PLCB3: variants seen among roughly 807,000 people sequenced by gnomAD.
PLCB3 encodes the protein 1-phosphatidylinositol 4,5-bisphosphate phosphodiesterase beta-3.
In PLCB3, 54 loss-of-function variants were observed where a neutral mutation model predicts 152.1. The ratio of observed to expected loss-of-function variants is 0.36; its 90% CI spans 0.29 to 0.45. The LOEUF is 0.45. Among genes scored for constraint, PLCB3 ranks in the 20% least tolerant of loss-of-function variants. The probability of loss-of-function intolerance (pLI) is 1.00; values close to 1 mark genes in which losing one functional copy is unlikely to be tolerated. For missense variants in PLCB3, 1,248 were observed against 1,687.5 expected (o/e 0.74, Z 4.56); for synonymous variants, 717 against 698.7 (o/e 1.03, Z -0.41).
intron 1 of PLCB3, among the ~76,000 whole-genome samples, chr11:64,252,529 G>A (rs1387635421): frequency 2.0e-5 from 3 of 152,224 alleles, no homozygotes; most frequent in African/African-American, 7.2e-5. Flanking sequence ...CCTCCACCCG[G>A]CCGGCCTGAG....
In PLCB3 at chr11:64,255,208, C is replaced by T. The variant is rs749336590; in HGVS notation, c.388-26C>T. On this transcript the variant is annotated intron_variant, in intron 4 of 30. Coordinates refer to ENST00000279230, the MANE Select transcript of PLCB3 (RefSeq NM_000932.5). This position sits in a 1 kb window ranked among gnomAD's most constrained non-coding sequence, Gnocchi z 6.8. ...CAGCCCCTGTGTCCCCCACTCACCG[C>T]CTCCCCGTGTATACTGGCCCCCCAG... is the stretch of plus-strand genomic sequence containing the variant. The T allele has an allele frequency of 6.3e-7, 1 of 1,593,274 alleles. No individual in the cohort carries two copies. Among genetic ancestry groups the T allele is most frequent in the South Asian group, 1.1e-5 (1 of 90,590 alleles).
At position 64,267,520 on chromosome 11, in the gene PLCB3, T is replaced by C. The variant is rs893963404; in HGVS notation, c.3669T>C (p.Ala1223=). Residue 1223 remains alanine (A), a synonymous_variant, in exon 31 of 31, where the codon GCT becomes GCC. Transcript: ENST00000279230. This position sits in a 1 kb window ranked among gnomAD's most constrained non-coding sequence, Gnocchi z 5.2. ...APGSSGHLSG[A]DSESQEENTQ... is the part of the protein sequence containing the mutation. ...GGAGCAGCGGGCACCTGTCGGGCGC[T>C]GACTCGGAGAGCCAGGAGGAGAACA... 2 of 1,568,200 alleles carry C rather than the reference T, an allele frequency of 1.3e-6. No homozygotes were observed. Among genetic ancestry groups the C allele is most frequent in the Non-Finnish European group, 1.7e-6 (2 of 1,161,264 alleles).
intron 25 of PLCB3, 100 bp downstream of exon 25, chr11:64,265,602 C>T (rs2032079673): frequency 2.7e-6 from 4 of 1,466,682 alleles, no homozygotes; most frequent in Non-Finnish European, 3.6e-6. Flanking sequence ...GCTCCTTGAC[C>T]CCCAGGGAGG....
At chr11:64,263,960 G>A in intron 21 of PLCB3, 61 bp from the exon 22 acceptor site, 2 of 1,328,098 alleles carry the variant, frequency 1.5e-6, no homozygotes, top group Non-Finnish European at 2.1e-6. Flanking sequence ...GACCAGAGGT[G>A]GCGGGTGGGG....
downstream of PLCB3, chr11:64,268,958 T>C (rs896498009): frequency 6.6e-6 from 1 of 152,310 alleles, no homozygotes; most frequent in African/African-American, 2.4e-5. Flanking sequence ...TCCTCACTTC[T>C]TCTGTGGGAC....
At chr11:64,262,315 T>G in intron 17 of PLCB3, 92 bp from the exon 18 acceptor site, 1 of 1,496,616 alleles carries the variant, frequency 6.7e-7, no homozygotes, top group Non-Finnish European at 9.2e-7. Flanking sequence ...CCCTGGACCT[T>G]GGATGCCATC....
rs561312676 is a variant in PLCB3, at chr11:64,258,630, C to T, written c.1170C>T (p.Arg390=). 1.3e-4 allele frequency: 215 copies of T among 1,614,008 alleles called. 5 individuals are homozygous for T. The South Asian group carries it at 2.0e-3, about 15-fold the overall frequency. Reference sequence around the variant, plus strand: ...CCATGACCACAGAGGTGCCTCTGCGCGACGTGCTGGAGGCCATTGCCGAGA... The same window carrying T: ...CCATGACCACAGAGGTGCCTCTGCGTGACGTGCTGGAGGCCATTGCCGAGA... ...GFTMTTEVPL[R]DVLEAIAETA... is the part of the protein sequence containing the mutation. Residue 390 remains arginine, a synonymous_variant, in exon 11 of 31, where the codon CGC becomes CGT. Transcript: ENST00000279230. The surrounding 1 kb of genome is among the most constrained non-coding windows in gnomAD (Gnocchi z 7.2).
intron 1 of PLCB3, 82 bp from the exon 2 acceptor site, chr11:64,254,333 G>C: frequency 8.1e-6 from 9 of 1,113,544 alleles, no homozygotes; most frequent in Admixed American, 1.7e-5. Context: ...GAACTCTGGG[G>C]TGCATGATGG....
chr11:64,265,343 G>A lies in PLCB3; in HGVS notation c.2876G>A (p.Gly959Asp), dbSNP rs777651285. Residue 959 changes from glycine to aspartate, a missense_variant, in exon 25 of 31, where the codon GGT becomes GAT. Physicochemically the swap from Gly to Asp is moderately conservative, Grantham distance 94. Transcript: ENST00000279230. ...CCCACCCCGCTGGATGAGCTCCGAG[G>A]TCACAAGGCTCTGGTCAAGCTCCGG... ...VAPTPLDELR[G>D]HKALVKLRSR... The A allele has an allele frequency of 1.9e-5, 31 of 1,609,084 alleles. No individual in the cohort carries two copies. Among genetic ancestry groups the A allele is most frequent in the Non-Finnish European group, 2.4e-5 (28 of 1,177,976 alleles).
chr11:64,258,982 G>C lies in PLCB3; in HGVS notation c.1338+13G>C, dbSNP rs1299061346. On this transcript the variant is annotated intron_variant, in intron 12 of 30. Transcript: ENST00000279230. This position sits in a 1 kb window ranked among gnomAD's most constrained non-coding sequence, Gnocchi z 7.2. ...GGACAAGTACCCGGTACGGGAGCTC[G>C]GAGCGAGGGGGGTGGCATGGGGGCC... 1.2e-6 allele frequency: 2 copies of C among 1,613,744 alleles called. No homozygotes were observed. Among genetic ancestry groups the C allele is most frequent in the East Asian group, 2.2e-5 (1 of 44,872 alleles).
intron 1 of PLCB3, among the ~76,000 whole-genome samples, chr11:64,254,182 AG>A (rs2031387297): frequency 1.3e-5 from 2 of 152,096 alleles, no homozygotes; most frequent in South Asian, 4.1e-4. Flanking sequence ...CTAGGGCCAG[AG>A]GGAGGTGAGG....
intron 1 of PLCB3, 79 bp from the exon 2 acceptor site, chr11:64,254,336 C>A: frequency 1.7e-6 from 2 of 1,149,578 alleles, no homozygotes; most frequent in Non-Finnish European, 2.6e-6. Context: ...CTCTGGGGTG[C>A]ATGATGGGAG....
intron 14 of PLCB3, among the ~76,000 whole-genome samples, 164 bp from the exon 15 acceptor site, chr11:64,261,236 G>A (rs555863006): frequency 1.3e-5 from 2 of 152,308 alleles, no homozygotes; most frequent in African/African-American, 4.8e-5. Flanking sequence ...GCTGGGTGGT[G>A]TCCAGGGCGC....
intron 10 of PLCB3, among the ~76,000 whole-genome samples, chr11:64,257,685 C>T (rs1449596916): frequency 6.6e-6 from 1 of 151,664 alleles, no homozygotes; most frequent in African/African-American, 2.4e-5. Flanking sequence ...GTGCAGAGTG[C>T]TGGAGATAGG....
intron 8 of PLCB3, 29 bp from the exon 9 acceptor site, chr11:64,256,347 A>G: frequency 6.2e-7 from 1 of 1,608,648 alleles, no homozygotes; most frequent in Non-Finnish European, 8.5e-7. Context: ...GCCAGGCTCC[A>G]TCCTGACCCA....
Position 64,266,205 on chromosome 11 carries a change from G to A in PLCB3, c.3266+3G>A. 2 of 1,614,106 alleles carry A rather than the reference G, an allele frequency of 1.2e-6. No individual in the cohort carries two copies. Among genetic ancestry groups the A allele is most frequent in the Non-Finnish European group, 8.5e-7 (1 of 1,180,006 alleles). On this transcript the variant is annotated splice_donor_region_variant and intron_variant, in intron 27 of 30. Transcript: ENST00000279230. This position sits in a 1 kb window ranked among gnomAD's most constrained non-coding sequence, Gnocchi z 4.9. ...AGGCTGAAAGAGATGAACGAGAGGT[G>A]AAAGCCGAGGATTGTCTATGGGAAG... is the stretch of plus-strand genomic sequence containing the variant.
chr11:64,256,823 C>T, intron 10 of PLCB3, 59 bp downstream of exon 10: 1 of 1,559,384 alleles, frequency 6.4e-7, no homozygotes, highest in South Asian at 1.1e-5. Context: ...TGCACAGCCC[C>T]ACTCCTCCTG....
At chr11:64,259,397 G>C (rs1174195046) in intron 13 of PLCB3, among the ~76,000 whole-genome samples, 153 bp downstream of exon 13, 1 of 152,000 alleles carries the variant, frequency 6.6e-6, no homozygotes, top group Admixed American at 6.5e-5. Flanking sequence ...ACCACCTGTC[G>C]GCTGGTGTGG....
rs1348573420 is a variant in PLCB3 at position 64,267,431 on chromosome 11, G to A, written c.3580G>A (p.Glu1194Lys). Residue 1194 changes from glutamate to lysine, a missense_variant, in exon 31 of 31, where the codon GAG (glutamate) becomes AAG (lysine). Glu to Lys is a moderately conservative substitution (Grantham distance 56). This residue lies in a region of PLCB3 where 477 missense variants were observed against 489.6 expected (regional missense o/e 0.97). Coordinates refer to ENST00000279230, the MANE Select transcript of PLCB3 (RefSeq NM_000932.5). The surrounding 1 kb of genome is among the most constrained non-coding windows in gnomAD (Gnocchi z 5.2). ...GGAGATCCGCCGGAGCCTGCTGGGC[G>A]AGATGCCGGAGGGGCTGGGGGACGG... The part of the protein sequence containing the change: ...PQEIRRSLLG[E>K]MPEGLGDGPL... 7.1e-6 allele frequency: 11 copies of A among 1,545,774 alleles called. No homozygotes were observed. In the South Asian group the frequency reaches 7.2e-5, roughly 10 times the overall value.
Sources: allele counts gnomAD v4.1 joint callset (sites outside exome capture counted in the v4.1 genomes callset), GRCh38; gene constraint gnomAD v4.1.1; regional missense constraint gnomAD v4.1.1; non-coding constraint Gnocchi (gnomAD v3.1); transcripts MANE v1.5; gene names NCBI Gene and HGNC (gene_info 2026-07-23, HGNC 2026-07-21).